The following EBF1 variants were observed in gnomAD, a reference collection of about 807,000 sequenced individuals.
EBF1 encodes transcription factor COE1.
EBF1 carries 10 observed loss-of-function variants against 68.4 expected under a neutral mutation model. That is an observed-to-expected ratio of 0.15 (90% confidence interval 0.09 to 0.25). The LOEUF (loss-of-function observed/expected upper bound fraction) is 0.25, where lower values mean the gene tolerates loss of function less well. EBF1 is among the 10% of genes least tolerant of loss of function. EBF1 has a pLI of 1.00. For synonymous variants in EBF1, 298 were observed against 299.8 expected (o/e 0.99, Z 0.06); for missense variants, 509 against 794.4 (o/e 0.64, Z 4.32).
At chr5:158,789,203 CAT>C (rs1778064483) in intron 9 of EBF1, among the ~76,000 whole-genome samples, 1 of 151,908 alleles carries the variant, frequency 6.6e-6, no homozygotes, top group Non-Finnish European at 1.5e-5. Flanking sequence ...GGACATGAAA[CAT>C]ATTTAGAAAA....
chr5:158,815,382 C>G (rs896135372), intron 8 of EBF1, among the ~76,000 whole-genome samples: 1 of 152,076 alleles, frequency 6.6e-6, no homozygotes, highest in African/African-American at 2.4e-5. Context: ...TTCTAAACCT[C>G]AGTTTTCTCA....
chr5:158,969,721 G>A (rs1265869720), intron 6 of EBF1, among the ~76,000 whole-genome samples: 1 of 151,490 alleles, frequency 6.6e-6, no homozygotes, highest in Admixed American at 6.6e-5. Context: ...CCTGCAGTGA[G>A]CTGTAATCGT....
Position 159,054,110 on chromosome 5 carries a change from T to G in EBF1, c.554+19286A>C, listed in dbSNP as rs141857724. On this transcript the variant is annotated intron_variant, in intron 6 of 15. Transcript: ENST00000313708. Reference sequence around the variant, plus strand: ...ATTCCAGAGACATATGGATTTCTTTTAATAGTTAGTCTTATTTCTTTGCTT... The same window carrying G: ...ATTCCAGAGACATATGGATTTCTTTGAATAGTTAGTCTTATTTCTTTGCTT... Among the ~76,000 whole-genome samples, 990 of 152,356 alleles carry G rather than the reference T, an allele frequency of 6.5e-3. 5 individuals carry two copies. Among genetic ancestry groups the G allele is most frequent in the Non-Finnish European group, 0.01 (682 of 68,028 alleles).
At chr5:159,073,608 G>C (rs552130343) in intron 5 of EBF1, 144 bp from the exon 6 acceptor site, 106 of 825,004 alleles carry the variant, frequency 1.3e-4, no homozygotes, top group Non-Finnish European at 1.9e-4. Flanking sequence ...CCCTGGGACA[G>C]ATAATTCTAT....
Position 158,812,566 on chromosome 5 carries a change from G to T in EBF1, c.778+10610C>A, listed in dbSNP as rs754434949. On this transcript the variant is annotated intron_variant, in intron 8 of 15. Coordinates refer to ENST00000313708, the MANE Select transcript of EBF1 (RefSeq NM_024007.5). ...TGAGAAAACAGAGCCACCCCCTTCC[G>T]GAGGTACCAGGACTTCCTGCCTTTA... Among the ~76,000 whole-genome samples, 6 of 152,228 alleles carry T rather than the reference G, an allele frequency of 3.9e-5. No individual in the cohort carries two copies. In the South Asian group the frequency reaches 6.2e-4, roughly 16 times the overall value.
intron 6 of EBF1, among the ~76,000 whole-genome samples, chr5:158,936,622 A>C (rs1419422508): frequency 6.6e-6 from 1 of 152,210 alleles, no homozygotes; most frequent in Non-Finnish European, 1.5e-5. Context: ...AAGAATGAGA[A>C]TCTATTGCAA....
chr5:158,934,499 T>C (rs1212309445), intron 6 of EBF1, among the ~76,000 whole-genome samples: 2 of 152,236 alleles, frequency 1.3e-5, no homozygotes, highest in African/African-American at 2.4e-5. Context: ...TTTTTCTTCC[T>C]CTTTCTCCAG....
chr5:159,088,957 A>C (rs1357513518), intron 4 of EBF1, among the ~76,000 whole-genome samples: 2 of 152,198 alleles, frequency 1.3e-5, no homozygotes, highest in East Asian at 3.8e-4. Context: ...TTAAGGTGAC[A>C]GGAATGCTTG....
chr5:159,095,250 C>T (rs868425489), intron 4 of EBF1, among the ~76,000 whole-genome samples: 2 of 152,192 alleles, frequency 1.3e-5, no homozygotes, highest in Admixed American at 1.3e-4. Flanking sequence ...CCCGGGGAGG[C>T]CTGGCTTGCT....
intron 6 of EBF1, among the ~76,000 whole-genome samples, chr5:158,890,577 T>G (rs777079850): frequency 4.6e-5 from 7 of 152,252 alleles, no homozygotes; most frequent in African/African-American, 9.6e-5. Context: ...AGACAAGAAC[T>G]GAGAGCAGCA....
At chr5:158,947,976 A>G (rs1179924705) in intron 6 of EBF1, among the ~76,000 whole-genome samples, 1 of 152,230 alleles carries the variant, frequency 6.6e-6, no homozygotes, top group Admixed American at 6.5e-5. Context: ...ACTGCAACAG[A>G]AAAAAATTTC....
rs553354581 is a variant in EBF1 at position 158,744,973 on chromosome 5, C to T, written c.1037-13816G>A. Among the ~76,000 whole-genome samples, 4 of 152,228 alleles carry T rather than the reference C, an allele frequency of 2.6e-5. No homozygotes were observed. In the East Asian group the frequency reaches 5.8e-4, roughly 22 times the overall value. On this transcript the variant is annotated intron_variant, in intron 10 of 15. Transcript: ENST00000313708. ...TGAACTAAGTTAATGACTTAAGGTA[C>T]CCAGTGAAGTTCTACTTCTTCTAAT...
intron 6 of EBF1, among the ~76,000 whole-genome samples, chr5:158,855,121 C>G (rs1323089546): frequency 1.3e-5 from 2 of 152,164 alleles, no homozygotes; most frequent in Non-Finnish European, 2.9e-5. Flanking sequence ...AAAAGTAAAA[C>G]CACGTGATAA....
chr5:158,830,161 C>T, intron 7 of EBF1, among the ~76,000 whole-genome samples: 1 of 152,042 alleles, frequency 6.6e-6, no homozygotes, highest in East Asian at 1.9e-4. Flanking sequence ...AAAACTAAGG[C>T]CCAGGAGTTT....
intron 6 of EBF1, among the ~76,000 whole-genome samples, chr5:159,045,891 A>G (rs3922246): frequency 0.87 from 132,963 of 152,166 alleles, 58,455 homozygotes; most frequent in African/African-American, 0.97. Context: ...GACTGGAGGA[A>G]AAAATGATCC....
intron 6 of EBF1, among the ~76,000 whole-genome samples, chr5:158,869,040 T>A (rs965157839): frequency 1.3e-5 from 2 of 152,164 alleles, no homozygotes; most frequent in Non-Finnish European, 2.9e-5. Flanking sequence ...CAACTTTTTC[T>A]CCGTCCAGGA....
At chr5:158,912,272 T>C (rs1806154191) in intron 6 of EBF1, among the ~76,000 whole-genome samples, 1 of 152,210 alleles carries the variant, frequency 6.6e-6, no homozygotes, top group Non-Finnish European at 1.5e-5. Context: ...TCCCAGGGAC[T>C]TACCCACCAA....
chr5:159,012,799 T>C (rs1764928118), intron 6 of EBF1, among the ~76,000 whole-genome samples: 1 of 152,154 alleles, frequency 6.6e-6, no homozygotes, highest in South Asian at 2.1e-4. Context: ...GCACCCAGCC[T>C]TGGAGACAGG....
intron 6 of EBF1, chr5:158,985,688 A>T (rs770692346): frequency 2.0e-5 from 3 of 152,170 alleles, no homozygotes; most frequent in Non-Finnish European, 4.4e-5. Context: ...TGCTGATGTG[A>T]CATCTCCCAA....
Sources: gnomAD v4.1 joint callset for allele counts (sites outside exome capture counted in the v4.1 genomes callset) on GRCh38, gnomAD v4.1.1 for gene constraint, MANE v1.5 for transcripts, NCBI Gene and HGNC (gene_info 2026-07-23, HGNC 2026-07-21) for gene names.